Variants in KIF5B observed in about 807,000 individuals in gnomAD.
The protein encoded by KIF5B is kinesin-1 heavy chain.
In KIF5B, 49 loss-of-function variants were observed where a neutral mutation model predicts 132.8. The ratio of observed to expected loss-of-function variants is 0.37; its 90% CI spans 0.29 to 0.47. The LOEUF (loss-of-function observed/expected upper bound fraction) is 0.47. Ranked by LOEUF, KIF5B falls within the 20% of genes least tolerant of loss-of-function variation. KIF5B has a pLI of 1.00. For synonymous variants in KIF5B, 355 were observed against 369.4 expected, an observed-to-expected ratio of 0.96 and a Z score of 0.45; for missense variants, 780 against 1,144.0, an observed-to-expected ratio of 0.68 and a Z score of 4.59.
In KIF5B at chr10:32,028,534, A is replaced by C. The variant is rs1024291972; in HGVS notation, c.1619T>G (p.Leu540Arg). ...TTTCTGGTGGTTGGTCATTTCCTTAAGTTTCTGAAGCTCAGCATCTATACT... is the reference window on the plus strand; with the variant it reads ...TTTCTGGTGGTTGGTCATTTCCTTACGTTTCTGAAGCTCAGCATCTATACT... Reference protein sequence around the residue: ...LASIDAELQKLKEMTNHQKKR... With the variant: ...LASIDAELQKRKEMTNHQKKR... The change falls in exon 15 of 26, where the codon CTT becomes CGT. Residue 540 changes from leucine to arginine, a missense_variant. Physicochemically the swap from Leu to Arg is moderately radical, Grantham distance 102. Transcript: ENST00000302418. 6.2e-7 allele frequency: 1 copy of C among 1,613,848 alleles called. No homozygotes were observed. Among genetic ancestry groups the C allele is most frequent in the African/African-American group, 1.3e-5 (1 of 74,896 alleles).
intron 25 of KIF5B, among the ~76,000 whole-genome samples, chr10:32,011,789 T>C (rs914266463): frequency 6.6e-6 from 1 of 151,990 alleles, no homozygotes; most frequent in African/African-American, 2.4e-5. Context: ...CAAATAAAGC[T>C]ATGGGTAAGC....
Position 32,018,362 on chromosome 10 carries a change from T to C in KIF5B, c.2393A>G (p.Asn798Ser), listed in dbSNP as rs764277126. 2.8e-5 allele frequency: 42 copies of C among 1,526,478 alleles called. No individual in the cohort carries two copies. The highest frequency in any genetic ancestry group is 2.6e-6 in the Non-Finnish European group (3 of 1,142,528). 94.6% of individuals were successfully genotyped at this position (1,526,478 alleles called of 1,614,324 possible). ...GTCCTGAACAAAGAGTTTGCGCAGG[T>C]TGTGTAAAGTCTGAAGTTCTTTTGC... The part of the protein sequence containing the change: ...TVAKELQTLH[N>S]LRKLFVQDLA... The change falls in exon 22 of 26, where the codon AAC becomes AGC. Residue 798 changes from asparagine (N) to serine (S), a missense_variant. Coordinates refer to ENST00000302418, the MANE Select transcript of KIF5B (RefSeq NM_004521.3).
intron 2 of KIF5B, 149 bp downstream of exon 2, chr10:32,048,315 T>C (rs1352736359): frequency 3.5e-6 from 2 of 568,930 alleles, no homozygotes; most frequent in Non-Finnish European, 3.1e-6. Context: ...CTAATTGTGT[T>C]TGACCTTTTT....
chr10:32,032,896 A>G, intron 12 of KIF5B, 122 bp from the exon 13 acceptor site: 3 of 731,540 alleles, frequency 4.1e-6, no homozygotes, highest in Non-Finnish European at 7.1e-6. Flanking sequence ...TAAATTCAAC[A>G]TTGCTTATTT....
chr10:32,023,538 A>T (rs1259306333), intron 15 of KIF5B, among the ~76,000 whole-genome samples: 2 of 152,242 alleles, frequency 1.3e-5, no homozygotes, highest in African/African-American at 4.8e-5. Flanking sequence ...TGACATGATT[A>T]AGTTTACATG....
At chr10:32,017,438 T>A in intron 23 of KIF5B, 79 bp from the exon 24 acceptor site, 1 of 1,086,768 alleles carries the variant, frequency 9.2e-7, no homozygotes. Flanking sequence ...ATAATTGCTC[T>A]TTAGAAAAGT....
At chr10:32,017,014 G>T in intron 24 of KIF5B, 129 bp downstream of exon 24, 1 of 754,624 alleles carries the variant, frequency 1.3e-6, no homozygotes, top group Non-Finnish European at 2.3e-6. Flanking sequence ...TCCCAACAGT[G>T]CCACTCTGCT....
At chr10:32,051,163 T>C (rs1841689393) in intron 1 of KIF5B, among the ~76,000 whole-genome samples, 1 of 152,224 alleles carries the variant, frequency 6.6e-6, no homozygotes, top group Non-Finnish European at 1.5e-5. Context: ...GAATTTTATA[T>C]GTATCTACAA....
At chr10:32,014,907 G>C (rs1841137921) in intron 25 of KIF5B, among the ~76,000 whole-genome samples, 1 of 152,194 alleles carries the variant, frequency 6.6e-6, no homozygotes, top group South Asian at 2.1e-4. Context: ...CAGATCGCCT[G>C]AAGTCAGGAG....
At chr10:32,045,548 G>C (rs902730859) in intron 2 of KIF5B, among the ~76,000 whole-genome samples, 1 of 152,144 alleles carries the variant, frequency 6.6e-6, no homozygotes. Context: ...TTACGTTCCA[G>C]GGATAAAAAT....
chr10:32,055,716 C>G (rs1361517347), intron 1 of KIF5B, 132 bp downstream of exon 1: 3 of 1,270,888 alleles, frequency 2.4e-6, no homozygotes, highest in Non-Finnish European at 3.2e-6. Context: ...TTATCTGAAC[C>G]GGCAAACCCC....
At chr10:32,014,549 AAGAGAGAG>A (rs150457811) in intron 25 of KIF5B, among the ~76,000 whole-genome samples, 5 of 149,848 alleles carry the variant, frequency 3.3e-5, no homozygotes, top group African/African-American at 9.8e-5. Context: ...AAGCTCCAGA[AAGAGAGAG>A]AGAGAGAGAG....
chr10:32,029,270 A>G (rs369965729), intron 14 of KIF5B, among the ~76,000 whole-genome samples: 1 of 152,210 alleles, frequency 6.6e-6, no homozygotes, highest in African/African-American at 2.4e-5. Context: ...GAGTGCTTGC[A>G]TGATGCTCAA....
chr10:32,027,249 G>C (rs1402989494), intron 15 of KIF5B, among the ~76,000 whole-genome samples: 1 of 152,116 alleles, frequency 6.6e-6, no homozygotes, highest in African/African-American at 2.4e-5. Flanking sequence ...AAAAGGTAAA[G>C]TCTAAACAGC....
chr10:32,027,408 C>G (rs1841346782), intron 15 of KIF5B, among the ~76,000 whole-genome samples: 1 of 151,858 alleles, frequency 6.6e-6, no homozygotes, highest in Non-Finnish European at 1.5e-5. Context: ...AAGATTAGGA[C>G]AAAGAGGTAT....
At chr10:32,018,248 G>T (rs1592438344) in intron 22 of KIF5B, 68 bp downstream of exon 22, 1 of 1,444,932 alleles carries the variant, frequency 6.9e-7, no homozygotes, top group Non-Finnish European at 9.3e-7. Flanking sequence ...ATTTCACTTT[G>T]AATACAAATA....
Position 32,056,178 on chromosome 10 carries a change from T to G in KIF5B, c.-205A>C. On this transcript the variant is annotated 5_prime_UTR_variant, in exon 1 of 26. Coordinates refer to ENST00000302418, the MANE Select transcript of KIF5B (RefSeq NM_004521.3). ...GGCAGCCGTTAACCCTAATGCTCAC[T>G]TCCGATCCATCATGGCAGCCATGGC... 1 of 554,676 alleles carries G rather than the reference T, an allele frequency of 1.8e-6. No homozygotes were observed. Among genetic ancestry groups the G allele is most frequent in the Non-Finnish European group, 3.1e-6 (1 of 324,068 alleles). 34.4% of individuals were successfully genotyped at this position (554,676 alleles called of 1,614,324 possible).
At position 32,015,642 on chromosome 10, in the gene KIF5B, C is replaced by T. The variant is rs757332683; in HGVS notation, c.2779G>A (p.Gly927Arg). ...GTTGGAGAAGCTGCTGGATGTTGCCCGGGACGAATAGGTTTAGCTAATATG... is the reference window on the plus strand; with the variant it reads ...GTTGGAGAAGCTGCTGGATGTTGCCTGGGACGAATAGGTTTAGCTAATATG... ...SAQIAKPIRP[G>R]QHPAASPTHP... is the part of the protein sequence containing the mutation. Residue 927 changes from glycine (G) to arginine (R), a missense_variant, in exon 25 of 26, where the codon GGG becomes AGG. Physicochemically the swap from Gly to Arg is moderately radical, Grantham distance 125. Coordinates refer to ENST00000302418, the MANE Select transcript of KIF5B (RefSeq NM_004521.3). 4.9e-5 allele frequency: 79 copies of T among 1,612,446 alleles called. No homozygotes were observed. Among genetic ancestry groups the T allele is most frequent in the East Asian group, 1.6e-4 (7 of 44,848 alleles).
intron 2 of KIF5B, 131 bp downstream of exon 2, chr10:32,048,333 A>G: frequency 1.7e-6 from 1 of 601,214 alleles, no homozygotes; most frequent in Non-Finnish European, 2.9e-6. Context: ...TTTATTATTT[A>G]AACAACTTTC....
Sources: gnomAD v4.1 joint callset for allele counts (sites outside exome capture counted in the v4.1 genomes callset) on GRCh38, gnomAD v4.1.1 for gene constraint, MANE v1.5 for transcripts, NCBI Gene and HGNC (gene_info 2026-07-23, HGNC 2026-07-21) for gene names.